Variants in SLC5A4 observed in about 807,000 individuals in gnomAD.
SLC5A4 encodes solute carrier family 5 member 4.
Under a neutral mutation model 70.3 loss-of-function variants are expected in SLC5A4, and 55 were observed. The ratio of observed to expected loss-of-function variants is 0.78; its 90% CI spans 0.63 to 0.98. The LOEUF (loss-of-function observed/expected upper bound fraction) is 0.98, where lower values mean the gene tolerates loss of function less well. SLC5A4 is among the 50% of genes least tolerant of loss of function. The probability of loss-of-function intolerance (pLI) is 0.00; values close to 1 mark genes in which losing one functional copy is unlikely to be tolerated. For synonymous variants in SLC5A4, 268 were observed against 305.7 expected (o/e 0.88, Z 1.29); for missense variants, 735 against 839.2 (o/e 0.88, Z 1.53).
the SLC5A4 span, among the ~76,000 whole-genome samples, chr22:32,306,091 G>C: frequency 6.6e-6 from 1 of 151,884 alleles, no homozygotes. Flanking sequence ...AGCTCATTTT[G>C]AAACATTGAA....
the SLC5A4 span, among the ~76,000 whole-genome samples, chr22:32,292,317 C>CT: frequency 7.3e-6 from 1 of 136,434 alleles, no homozygotes; most frequent in East Asian, 2.0e-4. Flanking sequence ...ATATATTTTT[C>CT]TAATATATAT....
chr22:32,253,299 C>T (rs1002040004), intron 2 of SLC5A4, among the ~76,000 whole-genome samples: 1 of 152,186 alleles, frequency 6.6e-6, no homozygotes, highest in Non-Finnish European at 1.5e-5. Flanking sequence ...CTGAGGGGGT[C>T]ACACATCAAA....
chr22:32,225,792 T>C lies in SLC5A4; in HGVS notation c.1312A>G (p.Ile438Val). 1 of 1,610,508 alleles carries C rather than the reference T, an allele frequency of 6.2e-7. No homozygotes were observed. The highest frequency in any genetic ancestry group is 1.7e-4 in the Middle Eastern group (1 of 6,054). The change falls in exon 12 of 15, where the codon ATT becomes GTT. Residue 438 changes from isoleucine (I) to valine (V), a missense_variant. Ile to Val is a conservative substitution (Grantham distance 29). Transcript: ENST00000266086. ...IFVLLLTVVS[I>V]VWVPLVQVSQ... ...ACTTGTACCAGTGGGACCCACACAA[T>C]GCTCACAACAGTTAATAGAAGAACA...
the SLC5A4 span, chr22:32,272,418 C>A: frequency 3.4e-6 from 3 of 889,736 alleles, no homozygotes; most frequent in Non-Finnish European, 5.5e-6. Flanking sequence ...CCTTCATGGT[C>A]GACAGGCAGC....
At chr22:32,228,069 C>G (rs534790508) in intron 11 of SLC5A4, among the ~76,000 whole-genome samples, 1 of 152,142 alleles carries the variant, frequency 6.6e-6, no homozygotes, top group Non-Finnish European at 1.5e-5. Flanking sequence ...CAGTGGTTAG[C>G]TTTGGAACGA....
At chr22:32,330,868 AGGG>A in the SLC5A4 span, among the ~76,000 whole-genome samples, 2 of 58,344 alleles carry the variant, frequency 3.4e-5, no homozygotes, top group East Asian at 6.3e-4. Flanking sequence ...TAGGTGTTGG[AGGG>A]TCTGCTGTGT....
the SLC5A4 span, among the ~76,000 whole-genome samples, chr22:32,321,184 G>T: frequency 2.0e-5 from 3 of 152,214 alleles, no homozygotes; most frequent in East Asian, 5.8e-4. Context: ...TACTCAGGAG[G>T]CTGAGGCAGA....
intron 11 of SLC5A4, among the ~76,000 whole-genome samples, chr22:32,228,096 C>T (rs1394195493): frequency 1.3e-5 from 2 of 152,194 alleles, no homozygotes; most frequent in African/African-American, 4.8e-5. Flanking sequence ...CCAAGACGAA[C>T]GAACTTCTGG....
chr22:32,229,082 C>T, intron 11 of SLC5A4, 112 bp downstream of exon 11: 1 of 986,102 alleles, frequency 1.0e-6, no homozygotes, highest in South Asian at 1.9e-5. Context: ...TCTCTTCCCT[C>T]TACCCAGATG....
the SLC5A4 span, among the ~76,000 whole-genome samples, chr22:32,262,201 C>T: frequency 6.6e-6 from 1 of 152,192 alleles, no homozygotes; most frequent in Non-Finnish European, 1.5e-5. Flanking sequence ...AGTGGGATTG[C>T]TGGATCACAT....
the SLC5A4 span, among the ~76,000 whole-genome samples, chr22:32,302,280 C>G: frequency 7.2e-6 from 1 of 138,990 alleles, no homozygotes; most frequent in Non-Finnish European, 1.6e-5. Context: ...GCTACTAGTC[C>G]TTTGCTGGGT....
Position 32,237,244 on chromosome 22 carries a change from C to G in SLC5A4, c.664G>C (p.Ala222Pro). ...LIGSFILMGF[A>P]FNEVGGYESF... ...CACTGCACGCAGGGTCATCACTTAC[C>G]AAACCCCATGAGAATAAAAGAGCCA... Residue 222 changes from alanine (A) to proline (P), a missense_variant and splice_region_variant, in exon 7 of 15, where the codon GCA becomes CCA. Transcript: ENST00000266086. 1 of 1,606,376 alleles carries G rather than the reference C, an allele frequency of 6.2e-7. No individual in the cohort carries two copies. Among genetic ancestry groups the G allele is most frequent in the African/African-American group, 1.3e-5 (1 of 74,834 alleles).
the SLC5A4 span, among the ~76,000 whole-genome samples, chr22:32,302,244 TTGAG>T: frequency 7.7e-6 from 1 of 129,504 alleles, no homozygotes; most frequent in Non-Finnish European, 1.6e-5. Context: ...CTGTTTACTT[TTGAG>T]TGTTTTTTTT....
the SLC5A4 span, among the ~76,000 whole-genome samples, chr22:32,300,416 G>A: frequency 6.6e-6 from 1 of 152,174 alleles, no homozygotes; most frequent in Non-Finnish European, 1.5e-5. Context: ...GGAGTGACCT[G>A]ATTTTCCAGG....
chr22:32,251,619 C>G, intron 3 of SLC5A4, 151 bp downstream of exon 3: 1 of 612,844 alleles, frequency 1.6e-6, no homozygotes, highest in Non-Finnish European at 2.9e-6. Context: ...TCCCTCAGCC[C>G]TTGCACTTCC....
chr22:32,297,647 A>C, the SLC5A4 span, among the ~76,000 whole-genome samples: 1 of 110,980 alleles, frequency 9.0e-6, no homozygotes, highest in Non-Finnish European at 2.0e-5. Context: ...TTGTGTCTCT[A>C]TTTCCTTCAG....
chr22:32,250,561 T>C (rs1927080910), intron 3 of SLC5A4, among the ~76,000 whole-genome samples: 1 of 152,140 alleles, frequency 6.6e-6, no homozygotes, highest in Admixed American at 6.5e-5. Flanking sequence ...TCCTCAAGGA[T>C]CTAGAACCAG....
At chr22:32,251,510 C>T (rs1040804781) in intron 3 of SLC5A4, among the ~76,000 whole-genome samples, 11 of 146,006 alleles carry the variant, frequency 7.5e-5, no homozygotes, top group Non-Finnish European at 1.5e-4. Flanking sequence ...ATCCTCCATC[C>T]CTCTCTCTCT....
At chr22:32,240,053 T>C (rs1926427649) in intron 5 of SLC5A4, among the ~76,000 whole-genome samples, 2 of 149,452 alleles carry the variant, frequency 1.3e-5, no homozygotes, top group South Asian at 4.2e-4. Context: ...AGAAAGTATG[T>C]ACCAAAATAG....
Sources: gnomAD v4.1 joint callset for allele counts (sites outside exome capture counted in the v4.1 genomes callset) on GRCh38, gnomAD v4.1.1 for gene constraint, MANE v1.5 for transcripts, NCBI Gene and HGNC (gene_info 2026-07-23, HGNC 2026-07-21) for gene names.